The following FSTL5 variants were observed in gnomAD, a reference collection of about 807,000 sequenced individuals.
The protein encoded by FSTL5 is follistatin like 5, also known as follistatin-related protein 5.
In FSTL5, 62 loss-of-function variants were observed where a neutral mutation model predicts 89.1. That is an observed-to-expected ratio of 0.70 (90% CI 0.57 to 0.86). The LOEUF is 0.86. FSTL5 is among the 40% of genes least tolerant of loss of function. The pLI is 0.00. For synonymous variants in FSTL5, 383 were observed against 346.2 expected (o/e 1.11, Z -1.18); for missense variants, 1,057 against 1,001.6 (o/e 1.06, Z -0.75).
chr4:161,675,013 C>T (rs568214183), intron 6 of FSTL5, among the ~76,000 whole-genome samples: 140 of 151,956 alleles, frequency 9.2e-4, no homozygotes, highest in African/African-American at 3.3e-3. Flanking sequence ...ATATCAGTTA[C>T]AAAACTAATA....
chr4:161,788,167 G>T (rs1426985529), intron 4 of FSTL5, among the ~76,000 whole-genome samples: 2 of 152,076 alleles, frequency 1.3e-5, no homozygotes, highest in Non-Finnish European at 2.9e-5. Context: ...ATCTTTATGG[G>T]TATGTTTCAA....
At chr4:161,883,961 T>C (rs1732717474) in intron 4 of FSTL5, among the ~76,000 whole-genome samples, 2 of 152,364 alleles carry the variant, frequency 1.3e-5, no homozygotes, top group East Asian at 1.9e-4. Context: ...TGAGAATGTA[T>C]TCAGTTTTTT....
At chr4:161,659,254 A>G (rs923253238) in intron 6 of FSTL5, among the ~76,000 whole-genome samples, 1 of 152,128 alleles carries the variant, frequency 6.6e-6, no homozygotes, top group Admixed American at 6.6e-5. Flanking sequence ...TATATATTTG[A>G]TAATTTCTTA....
rs1244925307 is a variant in FSTL5 at position 161,386,175 on chromosome 4, G to T, written c.2116C>A (p.Leu706Ile). 1 of 1,613,956 alleles carries T rather than the reference G, an allele frequency of 6.2e-7. No homozygotes were observed. The highest frequency in any genetic ancestry group is 2.2e-5 in the East Asian group (1 of 44,850). The change falls in exon 16 of 16, where the codon CTT becomes ATT. Residue 706 changes from leucine (L) to isoleucine (I), a missense_variant. Physicochemically the swap from Leu to Ile is conservative, Grantham distance 5 (BLOSUM62 2). Coordinates refer to ENST00000306100, the MANE Select transcript of FSTL5 (RefSeq NM_020116.5). Reference sequence around the variant, plus strand: ...CCTTTCACATCATTAATGCTGACAAGGTAGTGGCCATCTGGAGAGACATAT... The same window carrying T: ...CCTTTCACATCATTAATGCTGACAATGTAGTGGCCATCTGGAGAGACATAT... Reference protein sequence around the residue: ...TPYVSPDGHYLVSINDVKGLV... With the variant: ...TPYVSPDGHYIVSINDVKGLV...
intron 4 of FSTL5, among the ~76,000 whole-genome samples, chr4:161,859,908 A>G (rs375822441): frequency 2.0e-5 from 3 of 152,336 alleles, no homozygotes; most frequent in South Asian, 4.1e-4. Context: ...TAAGGACTAC[A>G]GAACGAAATG....
intron 12 of FSTL5, among the ~76,000 whole-genome samples, chr4:161,491,468 G>A (rs1481080149): frequency 6.6e-6 from 1 of 151,278 alleles, no homozygotes; most frequent in African/African-American, 2.4e-5. Flanking sequence ...CTATCATAAG[G>A]AGCTAATTTT....
chr4:161,499,451 A>G (rs892234516), intron 12 of FSTL5, among the ~76,000 whole-genome samples: 3 of 152,122 alleles, frequency 2.0e-5, no homozygotes, highest in Non-Finnish European at 4.4e-5. Flanking sequence ...GATTTAAGGT[A>G]TAAATTATTG....
chr4:162,030,280 A>G lies in FSTL5; in HGVS notation c.160+3345T>C, dbSNP rs147252070. 2.4e-4 allele frequency among the ~76,000 whole-genome samples: 37 copies of G among 152,200 alleles called. No individual in the cohort carries two copies. In the East Asian group the frequency reaches 6.9e-3, roughly 29 times the overall value. On this transcript the variant is annotated intron_variant, in intron 3 of 15. Transcript: ENST00000306100. ...CTGGCATGTATGAAAGCTAAGTCTT[A>G]TTTAATAATATGTATTTGAAGATTA...
chr4:161,790,687 C>T (rs1303014720), intron 4 of FSTL5, among the ~76,000 whole-genome samples: 1 of 152,062 alleles, frequency 6.6e-6, no homozygotes, highest in Non-Finnish European at 1.5e-5. Flanking sequence ...TTGTGAACAT[C>T]CTGCTTTAAA....
At chr4:161,913,809 C>A (rs1733764641) in intron 4 of FSTL5, among the ~76,000 whole-genome samples, 1 of 152,144 alleles carries the variant, frequency 6.6e-6, no homozygotes, top group African/African-American at 2.4e-5. Context: ...TGGCCAATTT[C>A]TCTCACTTGG....
intron 3 of FSTL5, among the ~76,000 whole-genome samples, chr4:161,969,252 T>A (rs1735414309): frequency 6.6e-6 from 1 of 151,946 alleles, no homozygotes; most frequent in Admixed American, 6.6e-5. Context: ...TAATTCATAC[T>A]GTCTCCATTA....
At chr4:161,494,184 G>T (rs977196653) in intron 12 of FSTL5, among the ~76,000 whole-genome samples, 4 of 152,020 alleles carry the variant, frequency 2.6e-5, no homozygotes, top group African/African-American at 9.7e-5. Context: ...AGGGAATAAA[G>T]CTCACATTTT....
At chr4:161,965,412 G>T (rs1270779052) in intron 3 of FSTL5, among the ~76,000 whole-genome samples, 1 of 152,060 alleles carries the variant, frequency 6.6e-6, no homozygotes, top group Non-Finnish European at 1.5e-5. Flanking sequence ...TTTTTGCCTG[G>T]ACTAGAGAAA....
chr4:161,660,924 G>T (rs1374834259), intron 6 of FSTL5, among the ~76,000 whole-genome samples: 1 of 152,048 alleles, frequency 6.6e-6, no homozygotes, highest in African/African-American at 2.4e-5. Flanking sequence ...GAATAGTGCT[G>T]CAATGAACTT....
intron 12 of FSTL5, among the ~76,000 whole-genome samples, chr4:161,482,968 T>C (rs1729567266): frequency 6.6e-6 from 1 of 152,186 alleles, no homozygotes; most frequent in Admixed American, 6.5e-5. Flanking sequence ...GCATGAGATG[T>C]ATGGTGTTTC....
At chr4:162,069,881 AT>A (rs74958669) in intron 2 of FSTL5, among the ~76,000 whole-genome samples, 65,413 of 151,584 alleles carry the variant, frequency 0.43, 14,881 homozygotes, top group Middle Eastern at 0.57. Flanking sequence ...TGATATACTA[AT>A]TTTTTTTCTT....
At chr4:162,098,463 G>A (rs1187713360) in intron 2 of FSTL5, among the ~76,000 whole-genome samples, 1 of 151,898 alleles carries the variant, frequency 6.6e-6, no homozygotes, top group Non-Finnish European at 1.5e-5. Flanking sequence ...TGTAACATCT[G>A]GGCTGTCCAT....
intron 3 of FSTL5, among the ~76,000 whole-genome samples, chr4:161,931,300 G>T (rs2110894754): frequency 6.6e-6 from 1 of 151,920 alleles, no homozygotes; most frequent in East Asian, 1.9e-4. Context: ...AAAACAACAG[G>T]AGTCAGGAAG....
intron 10 of FSTL5, among the ~76,000 whole-genome samples, chr4:161,533,000 C>T (rs540648993): frequency 2.6e-4 from 38 of 144,090 alleles, no homozygotes; most frequent in South Asian, 7.0e-4. Context: ...ATAACATTAA[C>T]GCAGAAATAA....
Sources: allele counts gnomAD v4.1 joint callset (sites outside exome capture counted in the v4.1 genomes callset), GRCh38; gene constraint gnomAD v4.1.1; transcripts MANE v1.5; gene names NCBI Gene and HGNC (gene_info 2026-07-23, HGNC 2026-07-21).